The following MAST4 variants were observed in gnomAD, a reference collection of about 807,000 sequenced individuals.
MAST4 encodes microtubule-associated serine/threonine-protein kinase 4.
In MAST4, 89 loss-of-function variants were observed where a neutral mutation model predicts 162.7. The observed-to-expected ratio is 0.55, with a 90% CI of 0.46 to 0.65. The LOEUF is 0.65. Among genes scored for constraint, MAST4 ranks in the 30% least tolerant of loss-of-function variants. MAST4 has a pLI of 0.00. For missense variants in MAST4, 3,153 were observed against 3,374.0 expected (o/e 0.93, Z 1.62); for synonymous variants, 1,479 against 1,361.1 (o/e 1.09, Z -1.91).
chr5:66,820,753 A>C (rs1756954277), intron 3 of MAST4, among the ~76,000 whole-genome samples: 1 of 152,226 alleles, frequency 6.6e-6, no homozygotes, highest in Non-Finnish European at 1.5e-5. Context: ...TGTCATTGTT[A>C]AAATGTTCAA....
intron 23 of MAST4, 65 bp downstream of exon 23, chr5:67,145,444 C>A: frequency 7.0e-7 from 1 of 1,429,892 alleles, no homozygotes; most frequent in Non-Finnish European, 9.7e-7. Context: ...AGTGCTCAGT[C>A]CCAGGGCGGG....
Position 66,959,334 on chromosome 5 carries a change from A to C in MAST4, c.674+59352A>C, listed in dbSNP as rs747246028. ...TCTTTAATATTTTAATGCTTTCTGC[A>C]TGGCACTCGCTTTCTGGCGACCAAT... On this transcript the variant is annotated intron_variant, in intron 4 of 28. Coordinates refer to ENST00000403625, the MANE Select transcript of MAST4 (RefSeq NM_001164664.2). The C allele has an allele frequency of 7.7e-6, 6 of 779,268 alleles. No individual in the cohort carries two copies. In the Admixed American group the frequency reaches 1.0e-4, roughly 13 times the overall value. The allele number at this position is 779,268 out of a possible 1,614,324, so 48.3% of individuals were successfully genotyped here. A position where few individuals can be genotyped will look rare whatever the true frequency, so the allele number is the denominator to read the frequency against.
At chr5:66,704,630 A>G (rs1037371862) in intron 1 of MAST4, among the ~76,000 whole-genome samples, 3 of 150,986 alleles carry the variant, frequency 2.0e-5, no homozygotes, top group Non-Finnish European at 4.4e-5. Flanking sequence ...CCTCCTGAGC[A>G]GCTGGTACTA....
chr5:67,104,426 G>A lies in MAST4; in HGVS notation c.1207G>A (p.Val403Ile), dbSNP rs201620401. Residue 403 changes from valine to isoleucine, a missense_variant, in exon 10 of 29, where the codon GTT becomes ATT. Physicochemically the swap from Val to Ile is conservative, Grantham distance 29. Around this residue, in one of 7 missense-constraint regions of MAST4, gnomAD observed 360 missense variants for 450.0 expected, o/e 0.80. Transcript: ENST00000403625. The part of the protein sequence containing the change: ...EIITSYSPDN[V>I]LPLADGVLSF... ...TATCACCAGCTACTCTCCTGACAAC[G>A]TTCTACCCTTAGCAGATGGAGTGCT... 8.7e-6 allele frequency: 14 copies of A among 1,613,868 alleles called. No homozygotes were observed. The highest frequency in any genetic ancestry group is 3.3e-5 in the South Asian group (3 of 91,076).
chr5:66,768,340 T>C (rs1754201794), intron 2 of MAST4, among the ~76,000 whole-genome samples: 1 of 150,202 alleles, frequency 6.7e-6, no homozygotes, highest in Non-Finnish European at 1.5e-5. Context: ...TGTGAAAGGG[T>C]TGACCTTTTA....
chr5:66,915,474 A>G (rs1010678260), intron 4 of MAST4, among the ~76,000 whole-genome samples: 2 of 152,192 alleles, frequency 1.3e-5, no homozygotes, highest in Admixed American at 1.3e-4. Context: ...AGCTAGTTTA[A>G]AAAAAGAATA....
rs776439081 is a variant in MAST4 at position 67,114,206 on chromosome 5, G to A, written c.1578G>A (p.Lys526=). ...TCATTAGCCAACTGGGACTCAATAA[G>A]GATCCCTTGGAAGGTGAGTCCCTGG... ...RYIISQLGLN[K]DPLEEMAHLG... Residue 526 remains lysine (K), a synonymous_variant, in exon 12 of 29, where the codon AAG becomes AAA. Transcript: ENST00000403625. 3.1e-6 allele frequency: 5 copies of A among 1,611,004 alleles called. No individual in the cohort carries two copies. In the African/African-American group the frequency reaches 6.7e-5, roughly 22 times the overall value.
intron 1 of MAST4, among the ~76,000 whole-genome samples, chr5:66,633,951 C>G (rs184537117): frequency 6.6e-6 from 1 of 152,296 alleles, no homozygotes; most frequent in African/African-American, 2.4e-5. Context: ...CCATGAGGAT[C>G]ATGTTACACA....
In MAST4 at chr5:66,966,433, A is replaced by G. The variant is rs149999419; in HGVS notation, c.674+66451A>G. 4.8e-3 allele frequency among the ~76,000 whole-genome samples: 731 copies of G among 152,344 alleles called. 6 individuals carry two copies. The highest frequency in any genetic ancestry group is 0.016 in the African/African-American group (683 of 41,566). Reference sequence around the variant, plus strand: ...ATACCAACCACCAAATAAATATACAATGGCTCAAATACAATGGAATTGCAT... The same window carrying G: ...ATACCAACCACCAAATAAATATACAGTGGCTCAAATACAATGGAATTGCAT... On this transcript the variant is annotated intron_variant, in intron 4 of 28. Transcript: ENST00000403625.
intron 1 of MAST4, among the ~76,000 whole-genome samples, chr5:66,655,297 A>G (rs1189934787): frequency 6.6e-6 from 1 of 152,200 alleles, no homozygotes; most frequent in African/African-American, 2.4e-5. Flanking sequence ...GTTTAAGCAT[A>G]TTGTGTTGAA....
intron 3 of MAST4, among the ~76,000 whole-genome samples, chr5:66,869,127 G>T (rs2149865772): frequency 6.6e-6 from 1 of 152,284 alleles, no homozygotes; most frequent in South Asian, 2.1e-4. Flanking sequence ...CATAGGGAAG[G>T]TTAGTAAGGG....
intron 1 of MAST4, among the ~76,000 whole-genome samples, chr5:66,660,812 G>A (rs917449578): frequency 6.6e-5 from 10 of 152,114 alleles, no homozygotes; most frequent in African/African-American, 2.4e-4. Context: ...TAATATAATT[G>A]AATTCTGTAA....
chr5:66,597,749 A>G (rs2149377925), intron 1 of MAST4, among the ~76,000 whole-genome samples: 1 of 152,278 alleles, frequency 6.6e-6, no homozygotes, highest in African/African-American at 2.4e-5. Flanking sequence ...TCCTGGAAGG[A>G]TGTTCCTCCA....
intron 4 of MAST4, among the ~76,000 whole-genome samples, chr5:67,011,968 G>A (rs896265555): frequency 6.6e-6 from 1 of 151,934 alleles, no homozygotes; most frequent in Non-Finnish European, 1.5e-5. Context: ...AGCATATGCT[G>A]CATGGGGAGG....
intron 1 of MAST4, among the ~76,000 whole-genome samples, chr5:66,617,436 T>G (rs994545468): frequency 6.6e-6 from 1 of 152,112 alleles, no homozygotes; most frequent in African/African-American, 2.4e-5. Flanking sequence ...AAAACCAGTG[T>G]TTTTTCACAC....
intron 1 of MAST4, among the ~76,000 whole-genome samples, chr5:66,620,937 C>CA (rs1024426553): frequency 4.6e-5 from 7 of 152,130 alleles, no homozygotes; most frequent in African/African-American, 1.7e-4. Flanking sequence ...AACTGTCCCC[C>CA]CTAATTCAGA....
intron 4 of MAST4, among the ~76,000 whole-genome samples, chr5:66,972,270 G>C (rs185844102): frequency 1.2e-3 from 188 of 152,152 alleles, no homozygotes; most frequent in African/African-American, 4.5e-3. Flanking sequence ...TAATAGTCTC[G>C]GGTGAAAAAG....
intron 3 of MAST4, among the ~76,000 whole-genome samples, chr5:66,852,016 A>G (rs1035745878): frequency 7.2e-5 from 11 of 152,232 alleles, no homozygotes; most frequent in African/African-American, 2.4e-4. Flanking sequence ...ACTGGGTTCA[A>G]TGTGGTGGAC....
At chr5:66,986,620 T>TATATATATATATATATATATA (rs58502962) in intron 4 of MAST4, 1 of 177,032 alleles carries the variant, frequency 5.6e-6, no homozygotes, top group African/African-American at 3.2e-5. Context: ...ATATATATAT[T>TATATATATATATATATATATA]TATTTATTTA....
Sources: gnomAD v4.1 joint callset for allele counts (sites outside exome capture counted in the v4.1 genomes callset) on GRCh38, gnomAD v4.1.1 for gene constraint, gnomAD v4.1.1 regional missense constraint, MANE v1.5 for transcripts, NCBI Gene and HGNC (gene_info 2026-07-23, HGNC 2026-07-21) for gene names.